The following SPINT2 variants were observed in gnomAD, a reference collection of about 807,000 sequenced individuals.
SPINT2 encodes the protein kunitz-type protease inhibitor 2.
Under a neutral mutation model 30.1 loss-of-function variants are expected in SPINT2, and 18 were observed. The observed-to-expected ratio is 0.60, with a 90% CI of 0.41 to 0.89. SPINT2 has a LOEUF of 0.89. Ranked by LOEUF, SPINT2 falls within the 40% of genes least tolerant of loss-of-function variation. SPINT2 has a pLI of 0.00. For missense variants in SPINT2, 276 were observed against 334.3 expected (o/e 0.83, Z 1.36); for synonymous variants, 139 against 137.9 (o/e 1.01, Z -0.05).
Position 38,292,030 on chromosome 19 carries a change from GGGAA to G in SPINT2, c.*27_*30del. ...GACCGCCCTGTCGCCAAGAGGACTG[GGGAA>G]GGGAGGGGAGACTATGTGTGAGCTT... is the stretch of plus-strand genomic sequence containing the variant. On this transcript the variant is annotated 3_prime_UTR_variant, in exon 7 of 7. Coordinates refer to ENST00000301244, the MANE Select transcript of SPINT2 (RefSeq NM_021102.4). 1 of 1,613,248 alleles carries G rather than the reference GGGAA, an allele frequency of 6.2e-7. No individual in the cohort carries two copies. Among genetic ancestry groups the G allele is most frequent in the Non-Finnish European group, 8.5e-7 (1 of 1,179,770 alleles).
chr19:38,280,311 A>C (rs890992709), intron 1 of SPINT2, among the ~76,000 whole-genome samples: 6 of 152,182 alleles, frequency 3.9e-5, no homozygotes, highest in African/African-American at 1.2e-4. Flanking sequence ...GTTGGTGAGA[A>C]TGTTCTTAGG....
At chr19:38,283,292 C>A (rs1285097394) in intron 1 of SPINT2, among the ~76,000 whole-genome samples, 1 of 152,086 alleles carries the variant, frequency 6.6e-6, no homozygotes, top group Non-Finnish European at 1.5e-5. Flanking sequence ...TCCAGCCTGG[C>A]GATGGAGTGA....
chr19:38,290,385 A>T lies in SPINT2; in HGVS notation c.553+105A>T, dbSNP rs1483549750. Reference sequence around the variant, plus strand: ...CCTTGGAAATGCTGTTCTTGGGCCCACCAGGGCAGCAAGGCCTCTAAGCCC... The same window carrying T: ...CCTTGGAAATGCTGTTCTTGGGCCCTCCAGGGCAGCAAGGCCTCTAAGCCC... On this transcript the variant is annotated intron_variant, in intron 5 of 6. Coordinates refer to ENST00000301244, the MANE Select transcript of SPINT2 (RefSeq NM_021102.4). This position sits in a 1 kb window ranked among gnomAD's most constrained non-coding sequence, Gnocchi z 4.3. The T allele has an allele frequency of 2.5e-6, 4 of 1,578,160 alleles. No individual in the cohort carries two copies. In the African/African-American group the frequency reaches 5.4e-5, roughly 21 times the overall value.
intron 3 of SPINT2, chr19:38,288,885 T>C (rs1229993227): frequency 2.1e-5 from 11 of 524,038 alleles, no homozygotes; most frequent in Non-Finnish European, 3.8e-5. Context: ...CCTATAATAT[T>C]AGGAGCTGTG....
rs1968353877 is a variant in SPINT2 at position 38,264,638 on chromosome 19, G to A, written c.-255G>A. ...CGCGGCTCTGAACGCGCTGAGGGCC[G>A]TTGAGTGTCGCAGGCGGCGAGGGCG... On this transcript the variant is annotated 5_prime_UTR_variant, in exon 1 of 7. Coordinates refer to ENST00000301244, the MANE Select transcript of SPINT2 (RefSeq NM_021102.4). 1.9e-6 allele frequency: 1 copy of A among 513,356 alleles called. No homozygotes were observed. The allele number at this position is 513,356 out of a possible 1,614,324, so 31.8% of individuals were successfully genotyped here.
chr19:38,291,924 G>A lies in SPINT2; in HGVS notation c.677G>A (p.Arg226Lys). 1 of 1,614,132 alleles carries A rather than the reference G, an allele frequency of 6.2e-7. No individual in the cohort carries two copies. Among genetic ancestry groups the A allele is most frequent in the Non-Finnish European group, 8.5e-7 (1 of 1,180,012 alleles). The change falls in exon 7 of 7, where the codon AGG becomes AAG. Residue 226 changes from arginine (R) to lysine (K), a missense_variant. Arg to Lys is a conservative substitution (Grantham distance 26). Transcript: ENST00000301244. The stretch of plus-strand genomic sequence containing the variant: ...GTCTACCTGATCCGGGTGGCACGGA[G>A]GAACCAGGAGCGTGCCCTGCGCACC... Reference protein sequence around the residue: ...SMVYLIRVARRNQERALRTVW... With the variant: ...SMVYLIRVARKNQERALRTVW...
chr19:38,285,770 G>A (rs774211656), intron 2 of SPINT2, among the ~76,000 whole-genome samples: 3 of 152,122 alleles, frequency 2.0e-5, no homozygotes, highest in Non-Finnish European at 4.4e-5. Context: ...GTGAGCCACC[G>A]TTGACCCAGT....
chr19:38,288,054 T>C (rs1968663959), intron 3 of SPINT2, 119 bp downstream of exon 3: 1 of 1,289,254 alleles, frequency 7.8e-7, no homozygotes, highest in Admixed American at 1.8e-5. Context: ...TACTCAAAAT[T>C]GGCAAACCGG....
In SPINT2 at chr19:38,290,610, C is replaced by G. The variant is rs761738013; in HGVS notation, c.592+35C>G. On this transcript the variant is annotated intron_variant, in intron 6 of 6. Coordinates refer to ENST00000301244, the MANE Select transcript of SPINT2 (RefSeq NM_021102.4). The surrounding 1 kb of genome is among the most constrained non-coding windows in gnomAD (Gnocchi z 4.3). ...CCCTTACCCTCCTCCTGCCATCAGC[C>G]TGCCTCCTCCCTTCCTTGACTGAGC... 6.2e-7 allele frequency: 1 copy of G among 1,610,374 alleles called. No individual in the cohort carries two copies. The highest frequency in any genetic ancestry group is 1.1e-5 in the South Asian group (1 of 90,388).
chr19:38,275,363 C>T (rs1012793210), intron 1 of SPINT2, among the ~76,000 whole-genome samples: 2 of 152,104 alleles, frequency 1.3e-5, no homozygotes, highest in Non-Finnish European at 2.9e-5. Flanking sequence ...CTTGCTCTGT[C>T]GCCCAGGCTA....
intron 2 of SPINT2, among the ~76,000 whole-genome samples, chr19:38,287,589 A>C (rs1366520480): frequency 1.3e-5 from 2 of 151,188 alleles, no homozygotes; most frequent in African/African-American, 2.4e-5. Context: ...GGCCTCCCAA[A>C]GTACTGGAAT....
chr19:38,284,694 A>C (rs1968621256), intron 2 of SPINT2, among the ~76,000 whole-genome samples: 1 of 152,178 alleles, frequency 6.6e-6, no homozygotes. Context: ...TCTTGAGCAG[A>C]GGCTTTTTGA....
intron 1 of SPINT2, among the ~76,000 whole-genome samples, chr19:38,283,401 C>G (rs181517186): frequency 6.6e-6 from 1 of 152,236 alleles, no homozygotes; most frequent in East Asian, 1.9e-4. Context: ...AACTGAAATA[C>G]AGTTCAGTGG....
chr19:38,290,772 T>A lies in SPINT2; in HGVS notation c.592+197T>A. On this transcript the variant is annotated intron_variant, in intron 6 of 6. Transcript: ENST00000301244. This position sits in a 1 kb window ranked among gnomAD's most constrained non-coding sequence, Gnocchi z 4.3. The stretch of plus-strand genomic sequence containing the variant: ...TGTACACAGTTGGGGCTGGAGTGAG[T>A]CAGTCACAAGGCAGGCCCTGCCCAG... 1 of 782,442 alleles carries A rather than the reference T, an allele frequency of 1.3e-6. No homozygotes were observed. Among genetic ancestry groups the A allele is most frequent in the Non-Finnish European group, 2.1e-6 (1 of 477,430 alleles). 48.5% of individuals were successfully genotyped at this position (782,442 alleles called of 1,614,324 possible).
chr19:38,290,251 C>G lies in SPINT2; in HGVS notation c.524C>G (p.Ser175Cys). 6.2e-7 allele frequency: 1 copy of G among 1,612,258 alleles called. No homozygotes were observed. The highest frequency in any genetic ancestry group is 2.2e-4 in the Middle Eastern group (1 of 4,480). The change falls in exon 5 of 7, where the codon TCT (serine) becomes TGT (cysteine). Residue 175 changes from serine to cysteine, a missense_variant. Physicochemically the swap from Ser to Cys is moderately radical, Grantham distance 112. Coordinates refer to ENST00000301244, the MANE Select transcript of SPINT2 (RefSeq NM_021102.4). The surrounding 1 kb of genome is among the most constrained non-coding windows in gnomAD (Gnocchi z 4.3). ...GCRGNKNSYR[S>C]EEACMLRCFR... Reference sequence around the variant, plus strand: ...CGGGGCAATAAGAACAGCTACCGCTCTGAGGAGGCCTGCATGCTCCGCTGC... The same window carrying G: ...CGGGGCAATAAGAACAGCTACCGCTGTGAGGAGGCCTGCATGCTCCGCTGC...
At chr19:38,277,065 G>A (rs559167950) in intron 1 of SPINT2, among the ~76,000 whole-genome samples, 393 of 152,204 alleles carry the variant, frequency 2.6e-3, no homozygotes, top group Non-Finnish European at 5.0e-3. Flanking sequence ...CCTACTCTAT[G>A]TTTTAGTCCT....
chr19:38,287,199 GT>G (rs971902699), intron 2 of SPINT2, among the ~76,000 whole-genome samples: 22 of 151,684 alleles, frequency 1.5e-4, no homozygotes, highest in African/African-American at 5.3e-4. Flanking sequence ...AACTTTTTGG[GT>G]TTTTTTGTTT....
chr19:38,288,727 T>C, intron 3 of SPINT2: 1 of 241,898 alleles, frequency 4.1e-6, no homozygotes, highest in Non-Finnish European at 8.3e-6. Flanking sequence ...TTGCTAGGCC[T>C]GGAGTCCTGT....
chr19:38,278,388 G>C (rs1055852657), intron 1 of SPINT2, among the ~76,000 whole-genome samples: 2 of 152,202 alleles, frequency 1.3e-5, no homozygotes, highest in Non-Finnish European at 2.9e-5. Flanking sequence ...GGCACTGCTG[G>C]CTGCCTCACT....
Sources: allele counts gnomAD v4.1 joint callset (sites outside exome capture counted in the v4.1 genomes callset), GRCh38; gene constraint gnomAD v4.1.1; non-coding constraint Gnocchi (gnomAD v3.1); transcripts MANE v1.5; gene names NCBI Gene and HGNC (gene_info 2026-07-23, HGNC 2026-07-21).